DNAJB12: variants seen among roughly 807,000 people sequenced by gnomAD.
The protein encoded by DNAJB12 is DnaJ heat shock protein family (Hsp40) member B12.
In DNAJB12, 14 loss-of-function variants were observed where a neutral mutation model predicts 40.6. The ratio of observed to expected loss-of-function variants is 0.34; its 90% confidence interval spans 0.23 to 0.54. The LOEUF (loss-of-function observed/expected upper bound fraction) is 0.54, where lower values mean the gene tolerates loss of function less well. Among genes scored for constraint, DNAJB12 ranks in the 20% least tolerant of loss-of-function variants. The pLI is 0.92. For synonymous variants in DNAJB12, 181 were observed against 199.5 expected (o/e 0.91, Z 0.78); for missense variants, 444 against 501.7 (o/e 0.89, Z 1.10).
rs1443058118 is a variant in DNAJB12, at chr10:72,333,351, T to G, written c.*1297A>C. On this transcript the variant is annotated 3_prime_UTR_variant, in exon 9 of 9. Coordinates refer to ENST00000444643, the MANE Select transcript of DNAJB12 (RefSeq NM_017626.7). ...CCTCCCTCCTCCCACTGGCGGCAAG[T>G]GCTGTTTTAAGCAAAATCCTCATTT... 1 of 152,192 alleles carries G rather than the reference T, an allele frequency of 6.6e-6. No individual in the cohort carries two copies. The highest frequency in any genetic ancestry group is 2.4e-5 in the African/African-American group (1 of 41,426). The allele number at this position is 152,192 out of a possible 1,614,324, so 9.4% of individuals were successfully genotyped here.
Position 72,337,344 on chromosome 10 carries a change from T to C in DNAJB12, c.834-648A>G, listed in dbSNP as rs375759132. Reference sequence around the variant, plus strand: ...TGGACCGACTCTGCCCCCTGCTGGCTGAGAAGGGTCCTGCCAGCTCCCAGC... The same window carrying C: ...TGGACCGACTCTGCCCCCTGCTGGCCGAGAAGGGTCCTGCCAGCTCCCAGC... On this transcript the variant is annotated intron_variant, in intron 6 of 8. Coordinates refer to ENST00000444643, the MANE Select transcript of DNAJB12 (RefSeq NM_017626.7). Among the ~76,000 whole-genome samples the C allele has an allele frequency of 1.3e-5, 2 of 152,304 alleles. 1 individual carries two copies. Among genetic ancestry groups the C allele is most frequent in the South Asian group, 4.1e-4 (2 of 4,830 alleles).
At chr10:72,343,745 T>C (rs1307075776) in intron 2 of DNAJB12, among the ~76,000 whole-genome samples, 5 of 151,974 alleles carry the variant, frequency 3.3e-5, no homozygotes, top group Non-Finnish European at 4.4e-5. Context: ...CCGTCTGGAT[T>C]CTTGGATTTA....
chr10:72,352,038 T>C (rs2132008742), intron 1 of DNAJB12, among the ~76,000 whole-genome samples: 1 of 152,336 alleles, frequency 6.6e-6, no homozygotes, highest in South Asian at 2.1e-4. Flanking sequence ...ATGACTGCCT[T>C]GTCCCAGGCC....
chr10:72,340,116 G>A (rs914343879), intron 5 of DNAJB12, among the ~76,000 whole-genome samples: 7 of 152,070 alleles, frequency 4.6e-5, no homozygotes, highest in South Asian at 2.1e-4. Context: ...AGGCTGAGGC[G>A]GGTGAATCAC....
intron 8 of DNAJB12, chr10:72,334,863 A>G (rs1330107629): frequency 6.0e-6 from 8 of 1,326,952 alleles, no homozygotes; most frequent in Non-Finnish European, 7.6e-6. Context: ...TGGGCAGGGC[A>G]CCCACACAGA....
At chr10:72,350,877 T>TG (rs1861918556) in intron 1 of DNAJB12, among the ~76,000 whole-genome samples, 1 of 152,156 alleles carries the variant, frequency 6.6e-6, no homozygotes, top group Non-Finnish European at 1.5e-5. Context: ...TTGACTGACT[T>TG]GAAGGGTACA....
intron 3 of DNAJB12, 103 bp downstream of exon 3, chr10:72,343,263 C>A: frequency 6.9e-7 from 1 of 1,447,656 alleles, no homozygotes; most frequent in Non-Finnish European, 9.3e-7. Context: ...AAGGCCACTT[C>A]CTCCTGCTCC....
At chr10:72,347,890 G>C (rs1376111491) in intron 1 of DNAJB12, among the ~76,000 whole-genome samples, 1 of 151,518 alleles carries the variant, frequency 6.6e-6, no homozygotes, top group African/African-American at 2.4e-5. Context: ...TCCAGCCTGG[G>C]CAATAGAATG....
At chr10:72,344,702 T>A in intron 2 of DNAJB12, among the ~76,000 whole-genome samples, 1 of 152,182 alleles carries the variant, frequency 6.6e-6, no homozygotes, top group Admixed American at 6.5e-5. Context: ...AGTGTCAGCT[T>A]TTCCAGCCTC....
chr10:72,348,920 T>C (rs916658105), intron 1 of DNAJB12, among the ~76,000 whole-genome samples: 7 of 152,202 alleles, frequency 4.6e-5, no homozygotes, highest in Admixed American at 2.0e-4. Flanking sequence ...AAGAGGGTAC[T>C]GTGGCAGACT....
intron 1 of DNAJB12, 124 bp from the exon 2 acceptor site, chr10:72,345,251 G>C: frequency 1.8e-6 from 2 of 1,109,390 alleles, no homozygotes; most frequent in Non-Finnish European, 2.6e-6. Flanking sequence ...CCCTGATTAG[G>C]CCTGTGGGTG....
chr10:72,339,631 A>C (rs1275285201), intron 5 of DNAJB12, among the ~76,000 whole-genome samples: 3 of 152,198 alleles, frequency 2.0e-5, no homozygotes, highest in Non-Finnish European at 2.9e-5. Flanking sequence ...AATTGTCCAC[A>C]ATATTTTAAT....
At position 72,334,265 on chromosome 10, in the gene DNAJB12, TG is replaced by T; in HGVS notation, c.*382del. 1 of 413,650 alleles carries T rather than the reference TG, an allele frequency of 2.4e-6. No homozygotes were observed. Among genetic ancestry groups the T allele is most frequent in the Non-Finnish European group, 4.3e-6 (1 of 230,462 alleles). 25.6% of individuals were successfully genotyped at this position (413,650 alleles called of 1,614,324 possible). A position where few individuals can be genotyped will look rare whatever the true frequency, so the allele number is the denominator to read the frequency against. On this transcript the variant is annotated 3_prime_UTR_variant, in exon 9 of 9. Transcript: ENST00000444643. ...CTGGCTTCTCCTGAGAGGTGGCTGG[TG>T]GTGGCTCCTGTGAGGGAGGAAAGGC...
intron 8 of DNAJB12, 43 bp from the exon 9 acceptor site, chr10:72,334,660 C>T: frequency 6.6e-7 from 1 of 1,521,150 alleles, no homozygotes; most frequent in Non-Finnish European, 8.8e-7. Flanking sequence ...ATTCAGGCGG[C>T]ACCGGCTCCT....
Position 72,334,256 on chromosome 10 carries a change from G to T in DNAJB12, c.*392C>A. On this transcript the variant is annotated 3_prime_UTR_variant, in exon 9 of 9. Transcript: ENST00000444643. ...CCAGGGCCTCTGGCTTCTCCTGAGA[G>T]GTGGCTGGTGGTGGCTCCTGTGAGG... is the stretch of plus-strand genomic sequence containing the variant. The T allele has an allele frequency of 2.5e-6, 1 of 402,338 alleles. No homozygotes were observed. The highest frequency in any genetic ancestry group is 2.6e-5 in the South Asian group (1 of 38,638). 24.9% of individuals were successfully genotyped at this position (402,338 alleles called of 1,614,324 possible). A position where few individuals can be genotyped will look rare whatever the true frequency, so the allele number is the denominator to read the frequency against.
In DNAJB12 at chr10:72,335,783, G is replaced by A; in HGVS notation, c.*27C>T. 6.2e-7 allele frequency: 1 copy of A among 1,613,042 alleles called. No homozygotes were observed. ...TGGAGGCAGCCCTGGCTCATACTTG[G>A]ACCTCGGTGGTGTGGCTGGCCCAGG... On this transcript the variant is annotated 3_prime_UTR_variant, in exon 8 of 9. Transcript: ENST00000444643. The surrounding 1 kb of genome is among the most constrained non-coding windows in gnomAD (Gnocchi z 4.4).
At chr10:72,337,480 CT>C (rs1278143281) in intron 6 of DNAJB12, among the ~76,000 whole-genome samples, 1 of 152,230 alleles carries the variant, frequency 6.6e-6, no homozygotes, top group Non-Finnish European at 1.5e-5. Flanking sequence ...AGCTGACCCC[CT>C]AACGGCTCAT....
chr10:72,336,701 C>A lies in DNAJB12; in HGVS notation c.834-5G>T, dbSNP rs1476984457. The A allele has an allele frequency of 2.5e-6, 4 of 1,612,716 alleles. No individual in the cohort carries two copies. Among genetic ancestry groups the A allele is most frequent in the Admixed American group, 3.3e-5 (2 of 59,936 alleles). ...CTGTGGATGTGGCCCACGGACCTGG[C>A]CAGAAATACCAGGTTCAAAGTGGGT... is the stretch of plus-strand genomic sequence containing the variant. On this transcript the variant is annotated splice_polypyrimidine_tract_variant and splice_region_variant and intron_variant, in intron 6 of 8. Coordinates refer to ENST00000444643, the MANE Select transcript of DNAJB12 (RefSeq NM_017626.7).
intron 1 of DNAJB12, among the ~76,000 whole-genome samples, chr10:72,351,449 T>C (rs1589134282): frequency 6.6e-6 from 1 of 152,246 alleles, no homozygotes; most frequent in East Asian, 1.9e-4. Context: ...CTCCCCTCTC[T>C]GCCCTTCCAC....
Sources: gnomAD v4.1 joint callset for allele counts (sites outside exome capture counted in the v4.1 genomes callset) on GRCh38, gnomAD v4.1.1 for gene constraint, Gnocchi (gnomAD v3.1) non-coding constraint, MANE v1.5 for transcripts, NCBI Gene and HGNC (gene_info 2026-07-23, HGNC 2026-07-21) for gene names.